The following ZPBP variants were observed in gnomAD, a reference collection of about 807,000 sequenced individuals.
ZPBP encodes the protein zona pellucida binding protein.
In ZPBP, 26 loss-of-function variants were observed where a neutral mutation model predicts 44.8. The observed-to-expected ratio is 0.58, with a 90% CI of 0.43 to 0.81. ZPBP has a LOEUF of 0.81. ZPBP is among the 30% of genes least tolerant of loss of function. The pLI, the probability that ZPBP is intolerant of heterozygous loss-of-function variation, is 0.00. For missense variants in ZPBP, 409 were observed against 434.0 expected (o/e 0.94, Z 0.51); for synonymous variants, 174 against 153.2 (o/e 1.14, Z -1.00).
At chr7:49,913,862 C>T (rs1010508865) in intron 1 of ZPBP, 5 of 152,032 alleles carry the variant, frequency 3.3e-5, no homozygotes. Context: ...TATTGTGAAC[C>T]TTAGTAAGTA....
chr7:49,999,770 G>C (rs151007411), intron 6 of ZPBP, among the ~76,000 whole-genome samples: 1 of 152,230 alleles, frequency 6.6e-6, no homozygotes, highest in African/African-American at 2.4e-5. Context: ...ATTAGTGAGG[G>C]TAATCTTTAC....
chr7:49,998,584 A>G (rs774291267), intron 6 of ZPBP, among the ~76,000 whole-genome samples: 1 of 152,212 alleles, frequency 6.6e-6, no homozygotes, highest in Non-Finnish European at 1.5e-5. Context: ...TAATTTTCAC[A>G]TCTCAATAAA....
intron 6 of ZPBP, among the ~76,000 whole-genome samples, chr7:50,006,864 C>G (rs1305819526): frequency 6.6e-6 from 1 of 151,882 alleles, no homozygotes; most frequent in East Asian, 1.9e-4. Flanking sequence ...TGAAGAAGTA[C>G]AACCCATTTT....
chr7:49,993,557 T>TA (rs1190919589), intron 6 of ZPBP, among the ~76,000 whole-genome samples: 1 of 152,166 alleles, frequency 6.6e-6, no homozygotes, highest in Non-Finnish European at 1.5e-5. Context: ...CAATAAATTG[T>TA]AAAATAAAAT....
Position 50,031,291 on chromosome 7 carries a change from A to G in ZPBP, c.507T>C (p.Tyr169=). Residue 169 remains tyrosine, a synonymous_variant, in exon 5 of 8, where the codon TAT becomes TAC. Transcript: ENST00000046087. ...YAIYAYREPH[Y]YYQFTARYHA... ...GATATCGAGCTGTGAACTGATAATA[A>G]TAATGAGGCTCACGATAAGCTGTAA... is the stretch of plus-strand genomic sequence containing the variant. 6.2e-7 allele frequency: 1 copy of G among 1,610,746 alleles called. No individual in the cohort carries two copies. The highest frequency in any genetic ancestry group is 8.5e-7 in the Non-Finnish European group (1 of 1,179,476).
At position 50,091,760 on chromosome 7, in the gene ZPBP, T is replaced by C. The variant is rs552429042; in HGVS notation, c.127+1308A>G. Among the ~76,000 whole-genome samples, 26 of 152,288 alleles carry C rather than the reference T, an allele frequency of 1.7e-4. No homozygotes were observed. In the South Asian group the frequency reaches 5.0e-3, roughly 29 times the overall value. On this transcript the variant is annotated intron_variant, in intron 1 of 7. Transcript: ENST00000046087. ...TAGTCTTCATTGTTAAATGAGCAAA[T>C]GTGATGGGCATAATAGTGTGAGGGG...
At chr7:49,961,535 T>C (rs932309428) in intron 7 of ZPBP, among the ~76,000 whole-genome samples, 2 of 152,214 alleles carry the variant, frequency 1.3e-5, no homozygotes, top group Admixed American at 1.3e-4. Flanking sequence ...GATGCCTGCA[T>C]GGGTATATAC....
intron 1 of ZPBP, among the ~76,000 whole-genome samples, chr7:49,901,963 C>T (rs1271370114): frequency 6.8e-6 from 1 of 146,080 alleles, no homozygotes; most frequent in African/African-American, 2.7e-5. Flanking sequence ...ACGAATGGTA[C>T]TGGAACAACT....
At chr7:50,034,037 A>G (rs1799720284) in intron 4 of ZPBP, among the ~76,000 whole-genome samples, 1 of 152,176 alleles carries the variant, frequency 6.6e-6, no homozygotes, top group South Asian at 2.1e-4. Context: ...TAATGAGGCT[A>G]AAACTTCCTT....
intron 5 of ZPBP, among the ~76,000 whole-genome samples, chr7:50,021,349 T>C (rs1799082176): frequency 6.6e-6 from 1 of 151,940 alleles, no homozygotes; most frequent in Non-Finnish European, 1.5e-5. Flanking sequence ...CAAAATCTAA[T>C]AAAAATTATG....
At chr7:50,047,810 G>A (rs780952792) in intron 4 of ZPBP, among the ~76,000 whole-genome samples, 3 of 152,076 alleles carry the variant, frequency 2.0e-5, no homozygotes, top group Non-Finnish European at 2.9e-5. Flanking sequence ...CTGAATGTAT[G>A]GCAATATCTC....
intron 7 of ZPBP, among the ~76,000 whole-genome samples, chr7:49,969,789 T>G (rs986430872): frequency 4.7e-5 from 7 of 147,718 alleles, no homozygotes; most frequent in Non-Finnish European, 1.0e-4. Flanking sequence ...GTAAAAAAGT[T>G]TATGTTAATA....
chr7:49,925,055 T>C (rs1027420386), intron 1 of ZPBP, among the ~76,000 whole-genome samples: 1 of 152,226 alleles, frequency 6.6e-6, no homozygotes, highest in Non-Finnish European at 1.5e-5. Context: ...GGCCTCTTCA[T>C]CCACTCTCCA....
At chr7:50,027,203 T>C (rs558881828) in intron 5 of ZPBP, among the ~76,000 whole-genome samples, 13 of 152,088 alleles carry the variant, frequency 8.5e-5, no homozygotes, top group Non-Finnish European at 1.5e-4. Context: ...CTTCCCAAAT[T>C]GCAAGTTGAT....
rs183768407 is a variant in ZPBP at position 50,081,751 on chromosome 7, C to T, written c.334+23G>A. 8 of 1,608,810 alleles carry T rather than the reference C, an allele frequency of 5.0e-6. No homozygotes were observed. The Admixed American group carries it at 5.0e-5, about 10-fold the overall frequency. ...CAATTCAGATACATTTATTTAATTA[C>T]AATAATTGAAACAAAATCCTACCTG... On this transcript the variant is annotated intron_variant, in intron 3 of 7. Coordinates refer to ENST00000046087, the MANE Select transcript of ZPBP (RefSeq NM_007009.3).
At chr7:49,848,505 A>G (rs2128715661), downstream of ZPBP, among the ~76,000 whole-genome samples, 1 of 152,296 alleles carries the variant, frequency 6.6e-6, no homozygotes, top group East Asian at 1.9e-4. Flanking sequence ...ACTGTTGCTC[A>G]GTGAGCCCAG....
At chr7:50,089,735 T>A in intron 1 of ZPBP, 26 bp from the exon 2 acceptor site, 1 of 1,558,916 alleles carries the variant, frequency 6.4e-7, no homozygotes, top group South Asian at 1.1e-5. Context: ...ATCAACAATT[T>A]GTCTCATTAG....
intron 3 of ZPBP, among the ~76,000 whole-genome samples, chr7:50,072,138 C>T (rs1801869366): frequency 6.6e-6 from 1 of 152,216 alleles, no homozygotes; most frequent in Admixed American, 6.5e-5. Context: ...GGCCAGACAA[C>T]AGTCCACTGC....
At chr7:50,058,462 T>G (rs1801079424) in intron 3 of ZPBP, among the ~76,000 whole-genome samples, 1 of 152,174 alleles carries the variant, frequency 6.6e-6, no homozygotes, top group African/African-American at 2.4e-5. Context: ...TATACATATA[T>G]ACAAATACAT....
Sources: gnomAD v4.1 joint callset for allele counts (sites outside exome capture counted in the v4.1 genomes callset) on GRCh38, gnomAD v4.1.1 for gene constraint, MANE v1.5 for transcripts, NCBI Gene and HGNC (gene_info 2026-07-23, HGNC 2026-07-21) for gene names.